THADA: variants seen among roughly 807,000 people sequenced by gnomAD.
THADA encodes THADA armadillo repeat containing.
In THADA, 213 loss-of-function variants were observed where a neutral mutation model predicts 219.8. The observed-to-expected ratio is 0.97, with a 90% CI of 0.87 to 1.09. The LOEUF (loss-of-function observed/expected upper bound fraction) is 1.09. Among genes scored for constraint, THADA ranks in the 50% least tolerant of loss-of-function variants. The pLI, the probability that THADA is intolerant of heterozygous loss-of-function variation, is 0.00. For synonymous variants in THADA, 1,018 were observed against 828.9 expected (o/e 1.23, Z -3.92); for missense variants, 2,956 against 2,311.3 (o/e 1.28, Z -5.72).
intron 30 of THADA, among the ~76,000 whole-genome samples, chr2:43,339,241 A>G (rs772264158): frequency 2.6e-5 from 4 of 152,224 alleles, no homozygotes; most frequent in Non-Finnish European, 4.4e-5. Flanking sequence ...AGTAGGGCAC[A>G]TATTTATTTC....
At chr2:43,284,115 GTTGCAGTGAGCCAAGATCGTGCCA>G (rs1673697715) in intron 35 of THADA, among the ~76,000 whole-genome samples, 1 of 152,196 alleles carries the variant, frequency 6.6e-6, no homozygotes, top group Non-Finnish European at 1.5e-5. Context: ...GGAAGTAGAG[GTTGCAGTGAGCCAAGATCGTGCCA>G]TTGCACTGCA....
chr2:43,286,998 C>T lies in THADA; in HGVS notation c.5074G>A (p.Asp1692Asn), dbSNP rs754020271. ...AGCCTAGACTCTGTAGGAAGATGGT[C>T]TTCACATGACAAGATGACCAGCTGA... ...WVQLVILSCE[D>N]HLPTESRLAV... Residue 1692 changes from aspartate (D) to asparagine (N), a missense_variant, in exon 35 of 38, where the codon GAC becomes AAC. By Grantham distance (23) the Asp-to-Asn change is conservative. Coordinates refer to ENST00000405975, the MANE Select transcript of THADA (RefSeq NM_022065.5). 3.7e-6 allele frequency: 6 copies of T among 1,613,936 alleles called. No homozygotes were observed. In the South Asian group the frequency reaches 5.5e-5, roughly 15 times the overall value.
chr2:43,453,114 C>T (rs1179650218), intron 26 of THADA, among the ~76,000 whole-genome samples: 2 of 152,166 alleles, frequency 1.3e-5, no homozygotes, highest in Admixed American at 6.5e-5. Context: ...AGTCACCAGG[C>T]AAATGTTACA....
At chr2:43,498,748 T>C in intron 25 of THADA, 85 bp downstream of exon 25, 2 of 1,350,668 alleles carry the variant, frequency 1.5e-6, no homozygotes, top group Non-Finnish European at 2.0e-6. Flanking sequence ...GGAAATATTT[T>C]TTATCACCCA....
At chr2:43,429,652 AT>A (rs1678981063) in intron 27 of THADA, among the ~76,000 whole-genome samples, 1 of 152,074 alleles carries the variant, frequency 6.6e-6, no homozygotes, top group South Asian at 2.1e-4. Context: ...TTTTTTAAAA[AT>A]AGGAAGAAAA....
chr2:43,581,349 G>C (rs188110309), intron 8 of THADA, among the ~76,000 whole-genome samples: 4 of 151,958 alleles, frequency 2.6e-5, no homozygotes, highest in Admixed American at 1.3e-4. Context: ...GGCCAACATG[G>C]CAAAACCCTT....
chr2:43,327,228 C>G (rs897892125), intron 30 of THADA, among the ~76,000 whole-genome samples: 2 of 152,208 alleles, frequency 1.3e-5, no homozygotes, highest in East Asian at 1.9e-4. Flanking sequence ...CCCAGCCCAT[C>G]TGGGGTAGTT....
chr2:43,291,174 GCGCAGTGGC>G (rs1391104830), intron 34 of THADA, among the ~76,000 whole-genome samples: 5 of 151,922 alleles, frequency 3.3e-5, no homozygotes, highest in Non-Finnish European at 7.4e-5. Context: ...AACAGGCTGG[GCGCAGTGGC>G]CCACATCTGT....
intron 30 of THADA, among the ~76,000 whole-genome samples, chr2:43,326,151 T>C (rs895149298): frequency 2.7e-5 from 4 of 146,048 alleles, no homozygotes; most frequent in African/African-American, 7.8e-5. Flanking sequence ...CTGTTTCTTG[T>C]TGTCAATGTC....
intron 1 of THADA, among the ~76,000 whole-genome samples, chr2:43,595,321 C>T (rs1348685165): frequency 1.3e-5 from 2 of 152,054 alleles, no homozygotes; most frequent in Non-Finnish European, 1.5e-5. Flanking sequence ...AGGAAAGTGT[C>T]GACAACAGAA....
chr2:43,391,024 T>G (rs1004103013), intron 29 of THADA, among the ~76,000 whole-genome samples: 1 of 152,112 alleles, frequency 6.6e-6, no homozygotes, highest in Non-Finnish European at 1.5e-5. Flanking sequence ...TTTTTACCAT[T>G]TAATCTTGCA....
At chr2:43,519,610 G>C (rs1442937985) in intron 22 of THADA, among the ~76,000 whole-genome samples, 4 of 152,072 alleles carry the variant, frequency 2.6e-5, no homozygotes, top group Admixed American at 2.6e-4. Flanking sequence ...TTAGACTCTG[G>C]TAATTATGTC....
chr2:43,415,508 T>G (rs1002629716), intron 28 of THADA, among the ~76,000 whole-genome samples: 1 of 152,166 alleles, frequency 6.6e-6, no homozygotes, highest in African/African-American at 2.4e-5. Flanking sequence ...TCCACTCAGA[T>G]CTCATAACAA....
At chr2:43,364,617 T>TG (rs1669918566) in intron 29 of THADA, among the ~76,000 whole-genome samples, 1 of 152,198 alleles carries the variant, frequency 6.6e-6, no homozygotes, top group Non-Finnish European at 1.5e-5. Context: ...TGTACTGCAT[T>TG]TACTTTTGGG....
At chr2:43,301,083 C>T (rs373432466) in intron 31 of THADA, among the ~76,000 whole-genome samples, 1 of 152,140 alleles carries the variant, frequency 6.6e-6, no homozygotes, top group East Asian at 1.9e-4. Context: ...TCAAGTTGGG[C>T]GCAGACAGCT....
intron 22 of THADA, among the ~76,000 whole-genome samples, chr2:43,511,359 G>A (rs1461034417): frequency 1.3e-5 from 2 of 152,202 alleles, no homozygotes; most frequent in Admixed American, 6.5e-5. Flanking sequence ...CTCCCTGAGT[G>A]AGCCCGCAGA....
At chr2:43,539,804 T>G (rs1247085207) in intron 21 of THADA, among the ~76,000 whole-genome samples, 7 of 150,110 alleles carry the variant, frequency 4.7e-5, no homozygotes, top group Non-Finnish European at 5.9e-5. Flanking sequence ...TGATAATTGT[T>G]TTTTTTTTTA....
intron 1 of THADA, among the ~76,000 whole-genome samples, chr2:43,594,429 C>G (rs1447154262): frequency 6.6e-6 from 1 of 151,810 alleles, no homozygotes; most frequent in Non-Finnish European, 1.5e-5. Flanking sequence ...ACTAAAAATA[C>G]AAAAATTAGC....
intron 36 of THADA, among the ~76,000 whole-genome samples, chr2:43,271,739 C>T (rs1230557402): frequency 2.6e-5 from 4 of 151,682 alleles, no homozygotes; most frequent in African/African-American, 9.7e-5. Flanking sequence ...CTCAGCCTCC[C>T]GAGTAGCTGG....
Sources: gnomAD v4.1 joint callset for allele counts (sites outside exome capture counted in the v4.1 genomes callset) on GRCh38, gnomAD v4.1.1 for gene constraint, MANE v1.5 for transcripts, NCBI Gene and HGNC (gene_info 2026-07-23, HGNC 2026-07-21) for gene names.